Variants in RNLS observed in about 807,000 individuals in gnomAD.
RNLS encodes the protein renalase.
Under a neutral mutation model 39.8 loss-of-function variants are expected in RNLS, and 39 were observed. The observed-to-expected ratio is 0.98, with a 90% confidence interval of 0.76 to 1.28. The LOEUF is 1.28. RNLS is among the 50% of genes most tolerant of loss of function. The pLI is 0.00. For missense variants in RNLS, 410 were observed against 413.3 expected, an observed-to-expected ratio of 0.99 and a Z score of 0.07; for synonymous variants, 147 against 150.7, an observed-to-expected ratio of 0.98 and a Z score of 0.18.
the RNLS span, among the ~76,000 whole-genome samples, chr10:88,182,880 T>C: frequency 2.0e-5 from 3 of 152,184 alleles, no homozygotes; most frequent in South Asian, 6.2e-4. Flanking sequence ...AAAGGCAACC[T>C]AGTATAGTAA....
the RNLS span, among the ~76,000 whole-genome samples, chr10:88,223,761 A>C: frequency 1.3e-5 from 2 of 152,136 alleles, no homozygotes. Context: ...CCCATTTATC[A>C]CAGTTGCACC....
intron 4 of RNLS, among the ~76,000 whole-genome samples, chr10:88,493,960 T>C (rs11202757): frequency 0.18 from 26,956 of 152,114 alleles, 2,702 homozygotes; most frequent in Admixed American, 0.27. Context: ...TCTTAAATCC[T>C]GGCTCTAAAA....
chr10:88,500,139 C>A (rs1044206049), intron 4 of RNLS, among the ~76,000 whole-genome samples: 2 of 152,066 alleles, frequency 1.3e-5, no homozygotes, highest in South Asian at 4.1e-4. Flanking sequence ...ATGCACCAAA[C>A]GGAAGTTCTG....
chr10:88,177,704 C>A, the RNLS span, among the ~76,000 whole-genome samples: 1 of 152,202 alleles, frequency 6.6e-6, no homozygotes, highest in African/African-American at 2.4e-5. Flanking sequence ...GCAGAACAGT[C>A]ACTTCTTCCA....
chr10:88,274,934 T>G, exon 7 of RNLS: 1 of 1,583,568 alleles, frequency 6.3e-7, no homozygotes, highest in African/African-American at 1.3e-5. Flanking sequence ...AAATAAAACC[T>G]GACTGTGTGC....
chr10:88,552,361 C>T (rs915173217), intron 4 of RNLS, among the ~76,000 whole-genome samples: 71 of 152,170 alleles, frequency 4.7e-4, no homozygotes, highest in African/African-American at 1.7e-3. Flanking sequence ...AAGAACTAGG[C>T]TAGGTCTCAT....
the RNLS span, among the ~76,000 whole-genome samples, chr10:88,209,045 C>G: frequency 6.6e-6 from 1 of 152,094 alleles, no homozygotes; most frequent in Non-Finnish European, 1.5e-5. Flanking sequence ...CCAGTGGTAG[C>G]TGGGAGCTTT....
chr10:88,407,378 T>C (rs180693682), intron 4 of RNLS, among the ~76,000 whole-genome samples: 39 of 152,166 alleles, frequency 2.6e-4, no homozygotes, highest in African/African-American at 8.4e-4. Flanking sequence ...TTCATTTTTC[T>C]ATGGCTATGC....
chr10:88,470,606 T>C (rs10788604), intron 4 of RNLS, among the ~76,000 whole-genome samples: 51,210 of 147,814 alleles, frequency 0.35, 10,359 homozygotes, highest in African/African-American at 0.57. Flanking sequence ...TACAAATGTT[T>C]TGTAATTTTA....
chr10:88,242,106 C>T, the RNLS span, among the ~76,000 whole-genome samples: 2 of 152,148 alleles, frequency 1.3e-5, no homozygotes, highest in Non-Finnish European at 2.9e-5. Flanking sequence ...ATCCCCATAT[C>T]TTTCCTTTTT....
chr10:88,283,373 G>C (rs1843094709), downstream of RNLS, among the ~76,000 whole-genome samples: 1 of 152,128 alleles, frequency 6.6e-6, no homozygotes, highest in Admixed American at 6.6e-5. Flanking sequence ...ATGGCTTAGA[G>C]GAGTACGGTC....
intron 4 of RNLS, among the ~76,000 whole-genome samples, chr10:88,474,712 T>TA (rs1302583415): frequency 3.3e-5 from 5 of 152,166 alleles, no homozygotes; most frequent in Non-Finnish European, 5.9e-5. Flanking sequence ...TTGCTTAATC[T>TA]AAACCTGAGC....
At chr10:88,349,728 T>C (rs1024603755) in intron 5 of RNLS, among the ~76,000 whole-genome samples, 3 of 151,872 alleles carry the variant, frequency 2.0e-5, no homozygotes, top group African/African-American at 7.2e-5. Flanking sequence ...TATATACACA[T>C]ATTGTATATA....
chr10:88,445,444 G>A (rs1589805541), intron 4 of RNLS, among the ~76,000 whole-genome samples: 1 of 152,156 alleles, frequency 6.6e-6, no homozygotes, highest in African/African-American at 2.4e-5. Context: ...CATAATGAAA[G>A]GATCAAATTC....
rs192731607 is a variant in RNLS, at chr10:88,427,545, A to G, written c.527-64820T>C. On this transcript the variant is annotated intron_variant, in intron 4 of 6. Transcript: ENST00000331772. Reference sequence around the variant, plus strand: ...AACTCCAGATGCAGGCATGAAAATCATATCTCTTTTCAAGTTCAAAGAACA... The same window carrying G: ...AACTCCAGATGCAGGCATGAAAATCGTATCTCTTTTCAAGTTCAAAGAACA... Among the ~76,000 whole-genome samples the G allele has an allele frequency of 7.2e-4, 110 of 152,142 alleles. 1 individual carries two copies. The South Asian group carries it at 8.5e-3, about 12-fold the overall frequency.
At chr10:88,472,752 G>A (rs946243012) in intron 4 of RNLS, among the ~76,000 whole-genome samples, 5 of 152,120 alleles carry the variant, frequency 3.3e-5, no homozygotes, top group African/African-American at 1.2e-4. Context: ...ACCTGGGGGA[G>A]CTTGTTGACA....
chr10:88,557,355 T>C (rs1479167615), intron 4 of RNLS, among the ~76,000 whole-genome samples: 1 of 152,178 alleles, frequency 6.6e-6, no homozygotes, highest in Non-Finnish European at 1.5e-5. Context: ...TGTTCTGTGC[T>C]GGCTACTCAA....
At position 88,564,316 on chromosome 10, in the gene RNLS, TACACACACACACACAC is replaced by T. The variant is rs5786827; in HGVS notation, c.526+8571_526+8586del. Among the ~76,000 whole-genome samples the T allele has an allele frequency of 3.4e-5, 5 of 149,030 alleles. No individual in the cohort carries two copies. In the East Asian group the frequency reaches 7.9e-4, roughly 23 times the overall value. On this transcript the variant is annotated intron_variant, in intron 4 of 6. Transcript: ENST00000331772. ...TTTGAAAGGTTGTGATGACTGCAAA[TACACACACACACACAC>T]ACACACACACACACATGCACACACA... is the stretch of plus-strand genomic sequence containing the variant.
chr10:88,465,963 A>G (rs1450736127), intron 4 of RNLS, among the ~76,000 whole-genome samples: 1 of 152,036 alleles, frequency 6.6e-6, no homozygotes, highest in African/African-American at 2.4e-5. Flanking sequence ...CTCTAAATTG[A>G]AACCCTGGGG....
Sources: gnomAD v4.1 joint callset for allele counts (sites outside exome capture counted in the v4.1 genomes callset) on GRCh38, gnomAD v4.1.1 for gene constraint, MANE v1.5 for transcripts, NCBI Gene and HGNC (gene_info 2026-07-23, HGNC 2026-07-21) for gene names.